Variants in CCSER1 observed in about 807,000 individuals in gnomAD.
The protein encoded by CCSER1 is serine-rich coiled-coil domain-containing protein 1.
A neutral mutation model predicts 82.0 loss-of-function variants in CCSER1; 41 were observed. The ratio of observed to expected loss-of-function variants is 0.50; its 90% CI spans 0.39 to 0.65. The LOEUF (loss-of-function observed/expected upper bound fraction) is 0.65, where lower values mean the gene tolerates loss of function less well. CCSER1 is among the 30% of genes least tolerant of loss of function. CCSER1 has a pLI of 0.00. For missense variants in CCSER1, 1,119 were observed against 1,064.2 expected (o/e 1.05, Z -0.72); for synonymous variants, 414 against 383.9 (o/e 1.08, Z -0.92).
chr4:90,970,868 G>A (rs905422626), intron 9 of CCSER1, among the ~76,000 whole-genome samples: 3 of 151,462 alleles, frequency 2.0e-5, no homozygotes, highest in Non-Finnish European at 4.4e-5. Context: ...TGAGAGAAAG[G>A]AAAATAGTAA....
intron 4 of CCSER1, among the ~76,000 whole-genome samples, chr4:90,439,323 CA>C (rs199572296): frequency 0.011 from 1,611 of 151,640 alleles, 69 homozygotes; most frequent in Admixed American, 0.08. Flanking sequence ...AACAAACAAA[CA>C]AAAAAAACCA....
At chr4:90,572,182 G>T (rs1190875411) in intron 5 of CCSER1, among the ~76,000 whole-genome samples, 1 of 152,064 alleles carries the variant, frequency 6.6e-6, no homozygotes, top group Non-Finnish European at 1.5e-5. Flanking sequence ...TGTCATCTCA[G>T]TATCTCTTGG....
At chr4:91,055,877 T>C (rs1282810964) in intron 9 of CCSER1, among the ~76,000 whole-genome samples, 1 of 151,348 alleles carries the variant, frequency 6.6e-6, no homozygotes, top group Non-Finnish European at 1.5e-5. Context: ...CTGATCACTT[T>C]TCTTCAATCT....
At chr4:90,733,745 A>T (rs1178173528) in intron 7 of CCSER1, among the ~76,000 whole-genome samples, 1 of 152,026 alleles carries the variant, frequency 6.6e-6, no homozygotes, top group Non-Finnish European at 1.5e-5. Flanking sequence ...CTGCATATGG[A>T]TATCTAGGTT....
At chr4:91,277,420 T>C (rs1487885696) in intron 10 of CCSER1, among the ~76,000 whole-genome samples, 1 of 151,962 alleles carries the variant, frequency 6.6e-6, no homozygotes, top group African/African-American at 2.4e-5. Flanking sequence ...TTAGGTTGTA[T>C]GTGTCCTGGT....
intron 5 of CCSER1, among the ~76,000 whole-genome samples, chr4:90,501,526 AGAAGCATTT>A (rs1769882607): frequency 1.3e-5 from 2 of 152,198 alleles, no homozygotes; most frequent in Non-Finnish European, 2.9e-5. Context: ...TTTGTCCTCT[AGAAGCATTT>A]TAATTTTATC....
chr4:90,903,553 C>T (rs944143796), intron 8 of CCSER1, among the ~76,000 whole-genome samples: 1 of 152,224 alleles, frequency 6.6e-6, no homozygotes, highest in South Asian at 2.1e-4. Context: ...ATACCAAAAC[C>T]ACCAAGTAAA....
chr4:90,657,890 G>T (rs2149080240), intron 6 of CCSER1, among the ~76,000 whole-genome samples: 1 of 152,266 alleles, frequency 6.6e-6, no homozygotes, highest in South Asian at 2.1e-4. Flanking sequence ...GATTGCTTGA[G>T]GCCAGAAGTT....
At chr4:91,263,889 A>T (rs978590212) in intron 10 of CCSER1, among the ~76,000 whole-genome samples, 2 of 152,008 alleles carry the variant, frequency 1.3e-5, no homozygotes, top group African/African-American at 4.8e-5. Context: ...TAAGATATGT[A>T]ACCAATATTT....
intron 10 of CCSER1, among the ~76,000 whole-genome samples, chr4:91,146,513 C>T (rs181667944): frequency 5.4e-4 from 82 of 151,702 alleles, no homozygotes; most frequent in Middle Eastern, 6.9e-3. Context: ...GAACTGTTGG[C>T]GTTTTTGTGC....
At chr4:90,781,851 A>G in intron 7 of CCSER1, 8 of 937,124 alleles carry the variant, frequency 8.5e-6, no homozygotes, top group Non-Finnish European at 1.0e-5. Context: ...TGTGTTTTCT[A>G]TTTCAGTTTA....
intron 10 of CCSER1, among the ~76,000 whole-genome samples, chr4:91,426,758 A>G (rs1430210708): frequency 6.6e-6 from 1 of 152,150 alleles, no homozygotes; most frequent in African/African-American, 2.4e-5. Flanking sequence ...TGGATACTTA[A>G]TAGTCTTCTA....
intron 10 of CCSER1, among the ~76,000 whole-genome samples, chr4:91,198,107 CATAGTTCCTTA>C (rs1187497058): frequency 6.6e-6 from 1 of 152,150 alleles, no homozygotes; most frequent in Non-Finnish European, 1.5e-5. Flanking sequence ...CATTAATTTT[CATAGTTCCTTA>C]ATTTACAAAT....
chr4:91,396,529 C>A (rs1271138195), intron 10 of CCSER1, among the ~76,000 whole-genome samples: 1 of 152,020 alleles, frequency 6.6e-6, no homozygotes, highest in African/African-American at 2.4e-5. Flanking sequence ...GTAAGCTGAT[C>A]AAATTAGGAG....
At chr4:90,496,962 G>T (rs955847125) in intron 5 of CCSER1, among the ~76,000 whole-genome samples, 3 of 116,740 alleles carry the variant, frequency 2.6e-5, no homozygotes, top group African/African-American at 1.1e-4. Flanking sequence ...TGGCGATAGA[G>T]CGAGACTACA....
At chr4:90,605,711 CTT>C in intron 5 of CCSER1, among the ~76,000 whole-genome samples, 1 of 152,074 alleles carries the variant, frequency 6.6e-6, no homozygotes, top group Non-Finnish European at 1.5e-5. Context: ...AAATATGTGT[CTT>C]TTGACTGCTT....
chr4:91,575,296 C>T (rs1374439159), intron 10 of CCSER1, among the ~76,000 whole-genome samples: 1 of 151,966 alleles, frequency 6.6e-6, no homozygotes, highest in Non-Finnish European at 1.5e-5. Flanking sequence ...AACTCATTGA[C>T]ATTGATCATG....
At chr4:91,350,324 A>G (rs1234836809) in intron 10 of CCSER1, among the ~76,000 whole-genome samples, 1 of 152,188 alleles carries the variant, frequency 6.6e-6, no homozygotes, top group Admixed American at 6.5e-5. Context: ...AATTATATAA[A>G]GCATATACTT....
chr4:91,326,012 G>C (rs1017313030), intron 10 of CCSER1, among the ~76,000 whole-genome samples: 3 of 150,714 alleles, frequency 2.0e-5, no homozygotes, highest in Non-Finnish European at 4.4e-5. Flanking sequence ...TGTTAAATTT[G>C]CTTTTCTGAG....
Sources: allele counts gnomAD v4.1 joint callset (sites outside exome capture counted in the v4.1 genomes callset), GRCh38; gene constraint gnomAD v4.1.1; transcripts MANE v1.5; gene names NCBI Gene and HGNC (gene_info 2026-07-23, HGNC 2026-07-21).